Variants in RHBDL3 observed in about 807,000 individuals in gnomAD.
The protein encoded by RHBDL3 is rhomboid-related protein 3.
In RHBDL3, 28 loss-of-function variants were observed where a neutral mutation model predicts 48.2. That is an observed-to-expected ratio of 0.58 (90% confidence interval 0.43 to 0.80). The LOEUF is 0.80. RHBDL3 is among the 30% of genes least tolerant of loss of function. The pLI is 0.00. For synonymous variants in RHBDL3, 208 were observed against 232.3 expected, an observed-to-expected ratio of 0.90 and a Z score of 0.95; for missense variants, 464 against 542.7, an observed-to-expected ratio of 0.85 and a Z score of 1.44.
chr17:32,291,049 T>C (rs959444634), intron 4 of RHBDL3, among the ~76,000 whole-genome samples: 1 of 148,652 alleles, frequency 6.7e-6, no homozygotes, highest in Non-Finnish European at 1.5e-5. Context: ...ATTTGGGGGA[T>C]TGGCCGGACG....
chr17:32,313,997 G>C (rs1394337201), intron 7 of RHBDL3, among the ~76,000 whole-genome samples: 1 of 152,092 alleles, frequency 6.6e-6, no homozygotes, highest in Non-Finnish European at 1.5e-5. Context: ...TTGACTTTCT[G>C]ATCTGTCCGA....
intron 2 of RHBDL3, among the ~76,000 whole-genome samples, chr17:32,283,573 T>C (rs1026955650): frequency 7.9e-5 from 12 of 152,098 alleles, no homozygotes; most frequent in African/African-American, 1.7e-4. Context: ...TCCGCCCGCC[T>C]TGGCCTCCCA....
Position 32,284,793 on chromosome 17 carries a change from C to T in RHBDL3, c.270C>T (p.Ile90=), listed in dbSNP as rs748210770. Residue 90 remains isoleucine (I), a synonymous_variant, in exon 3 of 9, where the codon ATC becomes ATT. Coordinates refer to ENST00000269051, the MANE Select transcript of RHBDL3 (RefSeq NM_138328.3). ...CCGACAGCCACGCGGATGGGCAGAT[C>T]GGCTACCAGGATTTTGTCAGCCTAG... ...ALADSHADGQ[I]GYQDFVSLMS... is the part of the protein sequence containing the mutation. 9.9e-6 allele frequency: 16 copies of T among 1,613,840 alleles called. No homozygotes were observed. Among genetic ancestry groups the T allele is most frequent in the Middle Eastern group, 1.6e-4 (1 of 6,082 alleles).
At chr17:32,275,872 G>A (rs1017887847) in intron 2 of RHBDL3, among the ~76,000 whole-genome samples, 2 of 152,108 alleles carry the variant, frequency 1.3e-5, no homozygotes, top group Non-Finnish European at 2.9e-5. Flanking sequence ...AGCTGTCAGG[G>A]GCCTGGCCTG....
rs112823349 is a variant in RHBDL3 at position 32,272,651 on chromosome 17, C to G, written c.135+4726C>G. On this transcript the variant is annotated intron_variant, in intron 2 of 8. Transcript: ENST00000269051. Reference sequence around the variant, plus strand: ...CCTGCTTCCCTACCTTACTCCTGCCCCAGTGACCCCATCAGCTATACTGAC... The same window carrying G: ...CCTGCTTCCCTACCTTACTCCTGCCGCAGTGACCCCATCAGCTATACTGAC... 2.0e-4 allele frequency among the ~76,000 whole-genome samples: 31 copies of G among 152,338 alleles called. 1 individual carries two copies. The highest frequency in any genetic ancestry group is 7.2e-4 in the African/African-American group (30 of 41,576).
intron 8 of RHBDL3, among the ~76,000 whole-genome samples, chr17:32,320,355 CT>C: frequency 6.6e-6 from 1 of 152,312 alleles, no homozygotes; most frequent in East Asian, 1.9e-4. Context: ...TTGAGACAGT[CT>C]TGCTCTGTCG....
At position 32,291,696 on chromosome 17, in the gene RHBDL3, C is replaced by CA. The variant is rs556675314; in HGVS notation, c.520-2592dup. ...ACTCTTATTTCAAAACAAAAACAAA[C>CA]AAAAAATGTCATCTTCCTGGGGTTG... is the stretch of plus-strand genomic sequence containing the variant. On this transcript the variant is annotated intron_variant, in intron 4 of 8. Transcript: ENST00000269051. Among the ~76,000 whole-genome samples the CA allele has an allele frequency of 2.1e-3, 311 of 150,742 alleles. 1 individual carries two copies. The highest frequency in any genetic ancestry group is 6.6e-3 in the African/African-American group (271 of 41,074).
chr17:32,320,367 C>A (rs1218979018), intron 8 of RHBDL3, among the ~76,000 whole-genome samples: 1 of 152,196 alleles, frequency 6.6e-6, no homozygotes, highest in African/African-American at 2.4e-5. Context: ...TGCTCTGTCG[C>A]CCCAGCTGCA....
chr17:32,275,610 G>C (rs978103236), intron 2 of RHBDL3, among the ~76,000 whole-genome samples: 8 of 151,536 alleles, frequency 5.3e-5, no homozygotes, highest in African/African-American at 1.7e-4. Flanking sequence ...ATGGTTTTCT[G>C]GAAGCATGCC....
At chr17:32,268,642 A>G (rs952262624) in intron 2 of RHBDL3, among the ~76,000 whole-genome samples, 26 of 152,192 alleles carry the variant, frequency 1.7e-4, no homozygotes, top group African/African-American at 6.0e-4. Flanking sequence ...GTTGAGTGCT[A>G]TAGTCCTGGG....
At chr17:32,296,911 T>A (rs944607048) in intron 5 of RHBDL3, among the ~76,000 whole-genome samples, 2 of 151,894 alleles carry the variant, frequency 1.3e-5, no homozygotes, top group African/African-American at 4.8e-5. Context: ...CCTCCCAGGT[T>A]CAAGCTATTC....
intron 2 of RHBDL3, chr17:32,284,444 G>A (rs368550515): frequency 1.8e-4 from 92 of 513,886 alleles, no homozygotes; most frequent in African/African-American, 1.6e-3. Flanking sequence ...CACGTGAGAT[G>A]GTTGGATTGG....
intron 6 of RHBDL3, among the ~76,000 whole-genome samples, chr17:32,302,548 TATA>T (rs748002987): frequency 0.23 from 18,675 of 80,478 alleles, 1,622 homozygotes; most frequent in African/African-American, 0.31. Flanking sequence ...TATATATATA[TATA>T]TTTTTTTTTA....
chr17:32,292,590 A>G (rs2040355517), intron 4 of RHBDL3, among the ~76,000 whole-genome samples: 1 of 152,088 alleles, frequency 6.6e-6, no homozygotes, highest in Non-Finnish European at 1.5e-5. Context: ...GGATCACCTG[A>G]GGTCGGGAGT....
intron 3 of RHBDL3, among the ~76,000 whole-genome samples, chr17:32,287,917 C>T (rs956796507): frequency 2.6e-5 from 4 of 152,188 alleles, no homozygotes; most frequent in South Asian, 2.1e-4. Flanking sequence ...CTCTGGTCTC[C>T]GAGTCAGGCT....
chr17:32,307,617 C>T (rs1041305656), intron 7 of RHBDL3, among the ~76,000 whole-genome samples: 1 of 152,210 alleles, frequency 6.6e-6, no homozygotes, highest in Non-Finnish European at 1.5e-5. Context: ...TTGGCACCTT[C>T]AGGTGAGTGC....
chr17:32,286,136 A>G (rs1007609401), intron 3 of RHBDL3, among the ~76,000 whole-genome samples: 5 of 152,192 alleles, frequency 3.3e-5, no homozygotes, highest in African/African-American at 9.7e-5. Flanking sequence ...CAGTGCCACC[A>G]AAGACCAGGC....
intron 4 of RHBDL3, among the ~76,000 whole-genome samples, chr17:32,291,257 C>T (rs552436380): frequency 1.5e-4 from 22 of 151,420 alleles, no homozygotes; most frequent in Non-Finnish European, 2.5e-4. Flanking sequence ...TGCTTGAACC[C>T]GGGAGGCGGA....
chr17:32,272,957 GGTTAATGGAGGCATCTT>G (rs1158192285), intron 2 of RHBDL3, among the ~76,000 whole-genome samples: 1 of 152,166 alleles, frequency 6.6e-6, no homozygotes, highest in Admixed American at 6.6e-5. Flanking sequence ...GTTATTAGAA[GGTTAATGGAGGCATCTT>G]GTCCAGTCTG....
Sources: allele counts gnomAD v4.1 joint callset (sites outside exome capture counted in the v4.1 genomes callset), GRCh38; gene constraint gnomAD v4.1.1; transcripts MANE v1.5; gene names NCBI Gene and HGNC (gene_info 2026-07-23, HGNC 2026-07-21).